Variants in RIT2 observed in about 807,000 individuals in gnomAD.
The protein encoded by RIT2 is Ras like without CAAX 2.
A neutral mutation model predicts 23.7 loss-of-function variants in RIT2; 24 were observed. The observed-to-expected ratio is 1.01, with a 90% CI of 0.73 to 1.43. The LOEUF is 1.43. Ranked by LOEUF, RIT2 falls within the 40% of genes most tolerant of loss-of-function variation. RIT2 has a pLI of 0.00. For missense variants in RIT2, 236 were observed against 266.9 expected (o/e 0.88, Z 0.81); for synonymous variants, 107 against 91.1 (o/e 1.17, Z -0.99).
At chr18:42,875,279 G>C (rs753186538) in intron 4 of RIT2, among the ~76,000 whole-genome samples, 1 of 150,510 alleles carries the variant, frequency 6.6e-6, no homozygotes, top group Non-Finnish European at 1.5e-5. Flanking sequence ...TTTACCCCTC[G>C]GGCAAGTTAC....
At chr18:43,102,900 C>T (rs555438511) in intron 1 of RIT2, among the ~76,000 whole-genome samples, 52 of 152,186 alleles carry the variant, frequency 3.4e-4, no homozygotes, top group Non-Finnish European at 6.5e-4. Context: ...GTGATCTGCC[C>T]ACCTCGGCCT....
intron 3 of RIT2, among the ~76,000 whole-genome samples, chr18:42,951,903 C>T (rs1015885805): frequency 2.0e-5 from 3 of 152,072 alleles, no homozygotes; most frequent in African/African-American, 4.8e-5. Flanking sequence ...CTCACAGTTC[C>T]GCATGGCTAA....
chr18:43,065,777 T>C (rs1341951075), intron 1 of RIT2, among the ~76,000 whole-genome samples: 2 of 152,088 alleles, frequency 1.3e-5, no homozygotes, highest in South Asian at 2.1e-4. Context: ...GAAGGTTTTA[T>C]AGAGAATATA....
chr18:42,853,552 T>C (rs537312156), intron 4 of RIT2, among the ~76,000 whole-genome samples: 1 of 152,348 alleles, frequency 6.6e-6, no homozygotes, highest in Admixed American at 6.5e-5. Flanking sequence ...ATTATACAGG[T>C]TACAAGTATT....
chr18:42,910,987 T>C (rs554082948), intron 4 of RIT2, among the ~76,000 whole-genome samples: 1 of 152,178 alleles, frequency 6.6e-6, no homozygotes, highest in South Asian at 2.1e-4. Context: ...GCAGAATACA[T>C]ATTCTTTTCA....
At chr18:43,024,217 T>A (rs1911658759) in intron 2 of RIT2, among the ~76,000 whole-genome samples, 1 of 151,854 alleles carries the variant, frequency 6.6e-6, no homozygotes, top group Admixed American at 6.6e-5. Flanking sequence ...GACACATAGA[T>A]CAATGACACA....
chr18:43,056,323 G>A (rs1912501872), intron 1 of RIT2, among the ~76,000 whole-genome samples: 1 of 152,012 alleles, frequency 6.6e-6, no homozygotes, highest in African/African-American at 2.4e-5. Context: ...AGCCAACACT[G>A]TGAAACTCAT....
At chr18:42,937,607 C>T (rs1347974364) in intron 3 of RIT2, among the ~76,000 whole-genome samples, 2 of 152,150 alleles carry the variant, frequency 1.3e-5, no homozygotes, top group Middle Eastern at 3.2e-3. Context: ...TCAAATGCAA[C>T]TGCAAAGCTG....
At chr18:42,880,804 CTTT>C (rs397966126) in intron 4 of RIT2, among the ~76,000 whole-genome samples, 219 of 115,556 alleles carry the variant, frequency 1.9e-3, no homozygotes, top group African/African-American at 7.1e-3. Flanking sequence ...CTTCCTACCT[CTTT>C]TTTTTTTTTT....
chr18:42,855,119 T>TA (rs1568013612), intron 4 of RIT2, among the ~76,000 whole-genome samples: 3 of 152,176 alleles, frequency 2.0e-5, no homozygotes, highest in South Asian at 2.1e-4. Context: ...TTCTCATTTC[T>TA]AAAAAAACAG....
intron 1 of RIT2, among the ~76,000 whole-genome samples, chr18:43,041,138 G>T (rs1210874839): frequency 1.3e-5 from 2 of 152,086 alleles, no homozygotes; most frequent in Non-Finnish European, 2.9e-5. Context: ...TCTGGGAAAA[G>T]AAATAACAAT....
chr18:42,752,301 T>C (rs1567987444), intron 4 of RIT2, among the ~76,000 whole-genome samples: 2 of 152,174 alleles, frequency 1.3e-5, no homozygotes, highest in Non-Finnish European at 2.9e-5. Context: ...ATAAGATATC[T>C]TGTCTATCTG....
At chr18:43,113,640 G>T (rs1914002478) in intron 1 of RIT2, among the ~76,000 whole-genome samples, 1 of 152,070 alleles carries the variant, frequency 6.6e-6, no homozygotes, top group African/African-American at 2.4e-5. Context: ...AATATCACAA[G>T]AAAAGTGTGT....
intron 1 of RIT2, among the ~76,000 whole-genome samples, chr18:43,103,894 TG>T (rs767887758): frequency 1.3e-4 from 20 of 152,082 alleles, no homozygotes; most frequent in Non-Finnish European, 2.2e-4. Context: ...GAGTGGGATA[TG>T]GGGGTTTAAA....
chr18:43,054,217 C>T (rs1200808435), intron 1 of RIT2, among the ~76,000 whole-genome samples: 2 of 151,978 alleles, frequency 1.3e-5, no homozygotes, highest in Non-Finnish European at 2.9e-5. Context: ...GTATCAATAT[C>T]CTTTCTGATA....
chr18:42,769,650 C>T (rs1913502659), intron 4 of RIT2, among the ~76,000 whole-genome samples: 1 of 151,872 alleles, frequency 6.6e-6, no homozygotes, highest in Admixed American at 6.6e-5. Flanking sequence ...GGTACTATCA[C>T]TTTCTCTTTC....
chr18:42,981,971 G>C (rs1910608135), intron 2 of RIT2, among the ~76,000 whole-genome samples: 1 of 152,164 alleles, frequency 6.6e-6, no homozygotes, highest in Non-Finnish European at 1.5e-5. Flanking sequence ...CGGAAACACT[G>C]TCATGAACAA....
At chr18:43,098,348 C>CT (rs1306510288) in intron 1 of RIT2, among the ~76,000 whole-genome samples, 3 of 151,860 alleles carry the variant, frequency 2.0e-5, no homozygotes, top group South Asian at 2.1e-4. Context: ...TCAGAAGCCA[C>CT]TTTTTTCCCA....
intron 4 of RIT2, among the ~76,000 whole-genome samples, chr18:42,908,728 A>G (rs1302956775): frequency 6.6e-6 from 1 of 152,158 alleles, no homozygotes; most frequent in Admixed American, 6.6e-5. Context: ...TTGAAGGGAA[A>G]TTGAGAGAAT....
Sources: gnomAD v4.1 joint callset for allele counts (sites outside exome capture counted in the v4.1 genomes callset) on GRCh38, gnomAD v4.1.1 for gene constraint, MANE v1.5 for transcripts, NCBI Gene and HGNC (gene_info 2026-07-23, HGNC 2026-07-21) for gene names.